STARD13: variants seen among roughly 807,000 people sequenced by gnomAD.
STARD13 encodes StAR related lipid transfer domain containing 13.
A neutral mutation model predicts 106.4 loss-of-function variants in STARD13; 62 were observed. That is an observed-to-expected ratio of 0.58 (90% CI 0.48 to 0.72). STARD13 has a LOEUF of 0.72. STARD13 is among the 30% of genes least tolerant of loss of function. The pLI is 0.00. For synonymous variants in STARD13, 565 were observed against 553.0 expected (o/e 1.02, Z -0.31); for missense variants, 1,387 against 1,424.0 (o/e 0.97, Z 0.42).
At chr13:33,219,952 AG>A (rs551020466) in intron 1 of STARD13, among the ~76,000 whole-genome samples, 125 of 152,300 alleles carry the variant, frequency 8.2e-4, no homozygotes, top group African/African-American at 2.9e-3. Flanking sequence ...CTTATCAAAA[AG>A]TTACAATCAG....
At chr13:33,180,758 T>A (rs1885153510) in intron 1 of STARD13, among the ~76,000 whole-genome samples, 2 of 152,170 alleles carry the variant, frequency 1.3e-5, no homozygotes, top group South Asian at 2.1e-4. Flanking sequence ...CTTAAATACA[T>A]TTACATTTAA....
chr13:33,434,085 G>A, the STARD13 span, among the ~76,000 whole-genome samples: 1 of 152,126 alleles, frequency 6.6e-6, no homozygotes, highest in African/African-American at 2.4e-5. Context: ...AGGCGCTGTG[G>A]CTCACGCCTG....
chr13:33,401,710 A>G, the STARD13 span, among the ~76,000 whole-genome samples: 1 of 152,182 alleles, frequency 6.6e-6, no homozygotes, highest in Non-Finnish European at 1.5e-5. Flanking sequence ...ATTTTCCCCA[A>G]TAAAATCCTT....
rs1889677789 is a variant in STARD13 at position 33,243,757 on chromosome 13, T to C, written c.169+41713A>G. On this transcript the variant is annotated intron_variant, in intron 1 of 13. Transcript: ENST00000336934. ...TGTTTCCTTCATAGAACTTGGAGAT[T>C]CTCATATTATCAGTGGAGTGCAAGT... Among the ~76,000 whole-genome samples the C allele has an allele frequency of 3.3e-5, 5 of 152,234 alleles. No homozygotes were observed. In the South Asian group the frequency reaches 1.0e-3, roughly 32 times the overall value.
chr13:33,482,205 G>A, the STARD13 span, among the ~76,000 whole-genome samples: 2 of 152,228 alleles, frequency 1.3e-5, no homozygotes, highest in East Asian at 3.9e-4. Context: ...GTAGGTGGAC[G>A]TGCAGATCAA....
the STARD13 span, among the ~76,000 whole-genome samples, chr13:33,388,152 C>T: frequency 5.4e-3 from 822 of 152,236 alleles, 8 homozygotes; most frequent in African/African-American, 0.017. Context: ...AATTAGGAGG[C>T]GAGCAGAGCC....
intron 1 of STARD13, among the ~76,000 whole-genome samples, chr13:33,244,638 T>G (rs1223458375): frequency 6.6e-6 from 1 of 152,106 alleles, no homozygotes; most frequent in Non-Finnish European, 1.5e-5. Flanking sequence ...GCTTACCCTC[T>G]TGGAACTCTG....
chr13:33,230,266 T>C (rs2138207583), intron 1 of STARD13, among the ~76,000 whole-genome samples: 1 of 152,342 alleles, frequency 6.6e-6, no homozygotes. Flanking sequence ...AGTTTTACTG[T>C]CACGCTCTTG....
At chr13:33,640,347 C>A in the STARD13 span, among the ~76,000 whole-genome samples, 1 of 152,170 alleles carries the variant, frequency 6.6e-6, no homozygotes, top group Admixed American at 6.5e-5. Flanking sequence ...ATTCAAATAG[C>A]CTGTAATTGG....
chr13:33,646,569 T>C, the STARD13 span, among the ~76,000 whole-genome samples: 1 of 152,174 alleles, frequency 6.6e-6, no homozygotes, highest in African/African-American at 2.4e-5. Flanking sequence ...GGGGATAAAG[T>C]TGCTATTGGC....
chr13:33,195,230 A>G (rs1285896178), intron 1 of STARD13, among the ~76,000 whole-genome samples: 1 of 152,226 alleles, frequency 6.6e-6, no homozygotes, highest in African/African-American at 2.4e-5. Context: ...CAACACATTC[A>G]TTTATTTTAA....
At chr13:33,198,644 G>A (rs914879661) in intron 1 of STARD13, among the ~76,000 whole-genome samples, 2 of 151,750 alleles carry the variant, frequency 1.3e-5, no homozygotes, top group Non-Finnish European at 2.9e-5. Context: ...TTCACTCTCT[G>A]TCTTCTCCAC....
chr13:33,503,112 G>A, the STARD13 span, among the ~76,000 whole-genome samples: 3 of 152,130 alleles, frequency 2.0e-5, no homozygotes, highest in Non-Finnish European at 2.9e-5. Flanking sequence ...AGGCTTAGGA[G>A]GGTGTATGTG....
chr13:33,385,729 G>T, the STARD13 span, among the ~76,000 whole-genome samples: 1 of 151,304 alleles, frequency 6.6e-6, no homozygotes, highest in Admixed American at 6.6e-5. Flanking sequence ...GCGTGGTGGT[G>T]CATGCCTGTA....
the STARD13 span, among the ~76,000 whole-genome samples, chr13:33,405,564 T>C: frequency 6.6e-6 from 1 of 152,274 alleles, no homozygotes; most frequent in South Asian, 2.1e-4. Context: ...ATGGTCCTCC[T>C]TGTAATGTAT....
At chr13:33,519,254 T>C in the STARD13 span, among the ~76,000 whole-genome samples, 4 of 150,840 alleles carry the variant, frequency 2.7e-5, no homozygotes, top group African/African-American at 7.3e-5. Context: ...CTTTCTTTCT[T>C]TCTTTCTTTC....
intron 1 of STARD13, among the ~76,000 whole-genome samples, chr13:33,314,578 A>G (rs1284305493): frequency 1.3e-5 from 2 of 152,248 alleles, no homozygotes; most frequent in Non-Finnish European, 2.9e-5. Context: ...ATTTTTATGC[A>G]TATAGCAGAC....
rs962443951 is a variant in STARD13, at chr13:33,263,607, T to C, written c.169+21863A>G. ...AGGGGCTTAAATGAGCCTAATGTATTTGAAACTGCACAGAATGATGCCTGC... is the reference window on the plus strand; with the variant it reads ...AGGGGCTTAAATGAGCCTAATGTATCTGAAACTGCACAGAATGATGCCTGC... On this transcript the variant is annotated intron_variant, in intron 1 of 13. Coordinates refer to ENST00000336934, the MANE Select transcript of STARD13 (RefSeq NM_178006.4). Among the ~76,000 whole-genome samples the C allele has an allele frequency of 7.9e-5, 12 of 152,284 alleles. 1 individual carries two copies. In the South Asian group the frequency reaches 2.5e-3, roughly 32 times the overall value.
At chr13:33,310,938 A>G (rs1183827658) in intron 1 of STARD13, among the ~76,000 whole-genome samples, 1 of 152,072 alleles carries the variant, frequency 6.6e-6, no homozygotes, top group Non-Finnish European at 1.5e-5. Context: ...GGCAACTGTA[A>G]CCCAATGGTA....
Sources: allele counts gnomAD v4.1 joint callset (sites outside exome capture counted in the v4.1 genomes callset), GRCh38; gene constraint gnomAD v4.1.1; transcripts MANE v1.5; gene names NCBI Gene and HGNC (gene_info 2026-07-23, HGNC 2026-07-21).